The following NUP107 variants were observed in gnomAD, a reference collection of about 807,000 sequenced individuals.
The protein encoded by NUP107 is nucleoporin 107, also known as nuclear pore complex protein Nup107.
In NUP107, 101 loss-of-function variants were observed where a neutral mutation model predicts 141.0. The observed-to-expected ratio is 0.72, with a 90% CI of 0.61 to 0.84. NUP107 has a LOEUF of 0.84. Ranked by LOEUF, NUP107 falls within the 40% of genes least tolerant of loss-of-function variation. The probability of loss-of-function intolerance (pLI) is 0.00; values close to 1 mark genes in which losing one functional copy is unlikely to be tolerated. For missense variants in NUP107, 941 were observed against 1,102.7 expected, an observed-to-expected ratio of 0.85 and a Z score of 2.08; for synonymous variants, 319 against 363.9, an observed-to-expected ratio of 0.88 and a Z score of 1.41.
chr12:68,691,811 G>T (rs1050285066), intron 4 of NUP107, among the ~76,000 whole-genome samples, 157 bp from the exon 5 acceptor site: 1 of 150,126 alleles, frequency 6.7e-6, no homozygotes, highest in African/African-American at 2.5e-5. Context: ...TCCAGCCTGG[G>T]CAACAGATCC....
Position 68,710,205 on chromosome 12 carries a change from CTTTG to C in NUP107, c.890+117_890+120del, listed in dbSNP as rs560798884. On this transcript the variant is annotated intron_variant, in intron 10 of 27. Coordinates refer to ENST00000229179, the MANE Select transcript of NUP107 (RefSeq NM_020401.4). ...TGTTCACACTACTTTGTTCACACTA[CTTTG>C]TTTGGTGTGTGAGCAAAACAAATAA... 4.1e-4 allele frequency: 241 copies of C among 585,726 alleles called. 4 individuals are homozygous for C. The highest frequency in any genetic ancestry group is 1.9e-3 in the Middle Eastern group (4 of 2,084). 36.3% of individuals were successfully genotyped at this position (585,726 alleles called of 1,614,324 possible). A position where few individuals can be genotyped will look rare whatever the true frequency, so the allele number is the denominator to read the frequency against.
Position 68,744,076 on chromosome 12 carries a change from G to A in NUP107, c.*1614G>A, listed in dbSNP as rs938445658. 6.6e-6 allele frequency: 1 copy of A among 152,166 alleles called. No individual in the cohort carries two copies. Among genetic ancestry groups the A allele is most frequent in the Non-Finnish European group, 1.5e-5 (1 of 68,042 alleles). The allele number at this position is 152,166 out of a possible 1,614,324, so 9.4% of individuals were successfully genotyped here. On this transcript the variant is annotated 3_prime_UTR_variant, in exon 28 of 28. Coordinates refer to ENST00000229179, the MANE Select transcript of NUP107 (RefSeq NM_020401.4). ...ATATAGAAACTTTGTACAACCCAGG[G>A]TGACTATTTCCAAAGACTGTTACCT...
At chr12:68,718,371 A>G (rs1348250658) in intron 12 of NUP107, among the ~76,000 whole-genome samples, 4 of 152,220 alleles carry the variant, frequency 2.6e-5, no homozygotes, top group Non-Finnish European at 5.9e-5. Flanking sequence ...TAAAGGGATG[A>G]TGGAACAAAA....
At chr12:68,699,473 G>A (rs1460616693) in intron 6 of NUP107, among the ~76,000 whole-genome samples, 4 of 152,154 alleles carry the variant, frequency 2.6e-5, no homozygotes, top group Admixed American at 2.0e-4. Context: ...TGAAATAATA[G>A]TAATAGACAA....
intron 27 of NUP107, 123 bp downstream of exon 27, chr12:68,742,103 A>T: frequency 2.4e-6 from 2 of 847,576 alleles, no homozygotes; most frequent in South Asian, 4.2e-5. Context: ...GTAATAGTCC[A>T]GTTTTAATGT....
chr12:68,700,184 G>A (rs1190597474), intron 6 of NUP107, among the ~76,000 whole-genome samples: 7 of 152,162 alleles, frequency 4.6e-5, no homozygotes, highest in South Asian at 2.1e-4. Flanking sequence ...GATTACAAGC[G>A]TGAGTCACCA....
intron 26 of NUP107, among the ~76,000 whole-genome samples, chr12:68,736,606 A>G (rs1296624191): frequency 6.6e-6 from 1 of 151,598 alleles, no homozygotes; most frequent in Non-Finnish European, 1.5e-5. Flanking sequence ...TTTTTGACAC[A>G]GGATCTTGCT....
At position 68,708,946 on chromosome 12, in the gene NUP107, T is replaced by C. The variant is rs2910102; in HGVS notation, c.730-292T>C. Among the ~76,000 whole-genome samples, 33,330 of 152,152 alleles carry C rather than the reference T, an allele frequency of 0.22. 4,288 individuals carry two copies. Among genetic ancestry groups the C allele is most frequent in the East Asian group, 0.31 (1,590 of 5,172 alleles). ...TTAAAGTTTTTTGTTTGTTTTATTTTGTGTTTATTTTTCCCCAAAACACCA... is the reference window on the plus strand; with the variant it reads ...TTAAAGTTTTTTGTTTGTTTTATTTCGTGTTTATTTTTCCCCAAAACACCA... On this transcript the variant is annotated intron_variant, in intron 8 of 27. Coordinates refer to ENST00000229179, the MANE Select transcript of NUP107 (RefSeq NM_020401.4).
At chr12:68,705,899 C>T (rs1876555996) in intron 8 of NUP107, 2 of 876,054 alleles carry the variant, frequency 2.3e-6, no homozygotes, top group South Asian at 1.3e-5. Flanking sequence ...GCTGTGTGCA[C>T]CCAGGTGAAG....
chr12:68,728,299 A>C (rs1010507359), intron 20 of NUP107, among the ~76,000 whole-genome samples: 3 of 151,768 alleles, frequency 2.0e-5, no homozygotes, highest in African/African-American at 7.3e-5. Flanking sequence ...AAAAAAAAAA[A>C]AAAACAATCA....
chr12:68,697,094 A>G (rs1472086855), intron 6 of NUP107, among the ~76,000 whole-genome samples, 172 bp downstream of exon 6: 1 of 152,126 alleles, frequency 6.6e-6, no homozygotes, highest in Non-Finnish European at 1.5e-5. Context: ...GGGCCCATAC[A>G]AGATTTCTTT....
At chr12:68,719,046 G>C (rs561636552) in intron 12 of NUP107, among the ~76,000 whole-genome samples, 65 of 152,200 alleles carry the variant, frequency 4.3e-4, no homozygotes, top group African/African-American at 1.6e-3. Flanking sequence ...CTGCCACTGC[G>C]CCTGGCTAGT....
At chr12:68,726,979 A>G (rs890492931) in intron 19 of NUP107, among the ~76,000 whole-genome samples, 1 of 152,236 alleles carries the variant, frequency 6.6e-6, no homozygotes, top group Non-Finnish European at 1.5e-5. Flanking sequence ...AGAAGATAAC[A>G]TTTTGGTCAG....
chr12:68,729,056 A>G (rs1877699869), intron 20 of NUP107, among the ~76,000 whole-genome samples: 1 of 152,214 alleles, frequency 6.6e-6, no homozygotes, highest in African/African-American at 2.4e-5. Flanking sequence ...GCACTAAAAA[A>G]AACAAGACCT....
At chr12:68,710,147 C>G (rs1317170705) in intron 10 of NUP107, 54 bp downstream of exon 10, 1 of 904,188 alleles carries the variant, frequency 1.1e-6, no homozygotes, top group East Asian at 2.5e-5. Flanking sequence ...ATTGTTCATT[C>G]ATCTTTCAAT....
intron 8 of NUP107, chr12:68,705,913 CA>C: frequency 1.1e-6 from 1 of 891,914 alleles, no homozygotes; most frequent in South Asian, 1.3e-5. Flanking sequence ...GGTGAAGGAG[CA>C]GATCAAGACC....
intron 12 of NUP107, 139 bp downstream of exon 12, chr12:68,715,879 C>A: frequency 1.9e-6 from 1 of 529,718 alleles, no homozygotes; most frequent in Non-Finnish European, 3.4e-6. Context: ...ACTTCCTGTT[C>A]GAACATTTCC....
chr12:68,714,754 G>A (rs1156695025), intron 11 of NUP107, among the ~76,000 whole-genome samples: 1 of 152,212 alleles, frequency 6.6e-6, no homozygotes, highest in African/African-American at 2.4e-5. Context: ...TGGAAAAAAG[G>A]TAGGTAGAAA....
intron 6 of NUP107, among the ~76,000 whole-genome samples, chr12:68,697,495 A>G (rs1255199657): frequency 1.3e-5 from 2 of 151,504 alleles, no homozygotes; most frequent in South Asian, 2.1e-4. Flanking sequence ...GAGGGAGAGC[A>G]TCAGGAAGAA....
Sources: allele counts gnomAD v4.1 joint callset (sites outside exome capture counted in the v4.1 genomes callset), GRCh38; gene constraint gnomAD v4.1.1; transcripts MANE v1.5; gene names NCBI Gene and HGNC (gene_info 2026-07-23, HGNC 2026-07-21).